The following GBP5 variants were observed in gnomAD, a reference collection of about 807,000 sequenced individuals.
GBP5 encodes the protein guanylate binding protein 5, also known as guanylate-binding protein 5.
GBP5 carries 48 observed loss-of-function variants against 58.2 expected under a neutral mutation model. The observed-to-expected ratio is 0.83, with a 90% confidence interval of 0.65 to 1.05. GBP5 has a LOEUF of 1.05. GBP5 is among the 50% of genes least tolerant of loss of function. GBP5 has a pLI of 0.00. For missense variants in GBP5, 714 were observed against 686.8 expected, an observed-to-expected ratio of 1.04 and a Z score of -0.44; for synonymous variants, 248 against 251.8, an observed-to-expected ratio of 0.98 and a Z score of 0.14.
chr1:89,270,884 A>C (rs1650419585), intron 1 of GBP5, 22 bp from the exon 2 acceptor site: 1 of 152,208 alleles, frequency 6.6e-6, no homozygotes. Context: ...AAAGATACAT[A>C]AGCCAAATCT....
In GBP5 at chr1:89,256,699, AT is replaced by A. The variant is rs1427690509; in HGVS notation, c.*4004del. Among the ~76,000 whole-genome samples, 1 of 152,168 alleles carries A rather than the reference AT, an allele frequency of 6.6e-6. No individual in the cohort carries two copies. The highest frequency in any genetic ancestry group is 2.4e-5 in the African/African-American group (1 of 41,446). On this transcript the variant is annotated 3_prime_UTR_variant, in exon 12 of 12. Transcript: ENST00000370459. ...CAGGTTTATGAAGAACATAACCTTG[AT>A]TTCTTCAAATGCATTTTCATAGTTT...
rs950446377 is a variant in GBP5 at position 89,259,644 on chromosome 1, G to T, written c.*1060C>A. 2 of 151,336 alleles carry T rather than the reference G, an allele frequency of 1.3e-5. No individual in the cohort carries two copies. The highest frequency in any genetic ancestry group is 2.9e-5 in the Non-Finnish European group (2 of 67,954). 9.4% of individuals were successfully genotyped at this position (151,336 alleles called of 1,614,324 possible). A position where few individuals can be genotyped will look rare whatever the true frequency, so the allele number is the denominator to read the frequency against. On this transcript the variant is annotated 3_prime_UTR_variant, in exon 12 of 12. Transcript: ENST00000370459. ...ATATAACAAGCCCCCTCCCCTAGCT[G>T]CCCTGCAGCTTATTTTTCGTCCAAA...
At chr1:89,272,091 A>G (rs1336367101) in intron 1 of GBP5, 1 of 152,226 alleles carries the variant, frequency 6.6e-6, no homozygotes, top group Non-Finnish European at 1.5e-5. Context: ...AATAGCTATC[A>G]TAGTTTTTGA....
In GBP5 at chr1:89,262,054, C is replaced by A. The variant is rs1650022630; in HGVS notation, c.1647+166G>T. On this transcript the variant is annotated intron_variant, in intron 11 of 11. Transcript: ENST00000370459. ...AGGCACAGAGGTGATAGATAACTTG[C>A]CTAAACCATATACTTACTAAGAGGT... 2.3e-5 allele frequency: 15 copies of A among 644,134 alleles called. No homozygotes were observed. In the South Asian group the frequency reaches 2.7e-4, roughly 12 times the overall value. The allele number at this position is 644,134 out of a possible 1,614,324, so 39.9% of individuals were successfully genotyped here. A position where few individuals can be genotyped will look rare whatever the true frequency, so the allele number is the denominator to read the frequency against.
intron 5 of GBP5, 122 bp from the exon 6 acceptor site, chr1:89,267,275 T>C (rs1330074588): frequency 6.1e-6 from 6 of 981,968 alleles, no homozygotes; most frequent in Non-Finnish European, 6.1e-6. Flanking sequence ...ATTTTATCAG[T>C]AAATATAAGG....
rs144247606 is a variant in GBP5, at chr1:89,267,574, G to A, written c.319-48C>T. Reference sequence around the variant, plus strand: ...GTCATGTCTCATGGGATTCCCAGATGAGCGATATTTAAAAATAGGCTCTTG... The same window carrying A: ...GTCATGTCTCATGGGATTCCCAGATAAGCGATATTTAAAAATAGGCTCTTG... On this transcript the variant is annotated intron_variant, in intron 4 of 11. Transcript: ENST00000370459. The A allele has an allele frequency of 7.9e-4, 894 of 1,136,012 alleles. 6 individuals carry two copies. The African/African-American group carries it at 0.012, about 15-fold the overall frequency. The allele number at this position is 1,136,012 out of a possible 1,614,324, so 70.4% of individuals were successfully genotyped here. A position where few individuals can be genotyped will look rare whatever the true frequency, so the allele number is the denominator to read the frequency against.
rs1650033617 is a variant in GBP5, at chr1:89,262,231, GT to G, written c.1635del (p.Glu545AspfsTer91). ...CAATTGATGAATACCTGCATCTGTT[GT>G]TCCTGCATTTTCTGTTGCTCTGCCA... is the stretch of plus-strand genomic sequence containing the variant. ...NWLAEQQKMQ[E>X]QQMQEQAAQL... On this transcript the variant is annotated frameshift_variant, in exon 11 of 12. Coordinates refer to ENST00000370459, the MANE Select transcript of GBP5 (RefSeq NM_052942.5). LOFTEE classifies it low-confidence loss of function (END_TRUNC). 1 of 1,614,000 alleles carries G rather than the reference GT, an allele frequency of 6.2e-7. No individual in the cohort carries two copies. The highest frequency in any genetic ancestry group is 1.3e-5 in the African/African-American group (1 of 74,918).
rs776829331 is a variant in GBP5, at chr1:89,266,472, G to C, written c.742C>G (p.Leu248Val). The C allele has an allele frequency of 1.9e-6, 3 of 1,614,172 alleles. No homozygotes were observed. Among genetic ancestry groups the C allele is most frequent in the Non-Finnish European group, 2.5e-6 (3 of 1,180,012 alleles). The change falls in exon 7 of 12, where the codon CTT becomes GTT. Residue 248 changes from leucine to valine, a missense_variant. Leu to Val is a conservative substitution (Grantham distance 32). Coordinates refer to ENST00000370459, the MANE Select transcript of GBP5 (RefSeq NM_052942.5). The stretch of plus-strand genomic sequence containing the variant: ...AGCTCATCATCAGGCAGTGTTTCAA[G>C]TTGGGCAAGCTTTTTTTGGTGAGCA... ...LPAHQKKLAQ[L>V]ETLPDDELEP...
rs1469132954 is a variant in GBP5 at position 89,269,390 on chromosome 1, T to A, written c.166A>T (p.Asn56Tyr). 8.7e-6 allele frequency: 14 copies of A among 1,613,962 alleles called. No individual in the cohort carries two copies. In the East Asian group the frequency reaches 3.1e-4, roughly 36 times the overall value. Residue 56 changes from asparagine (N) to tyrosine (Y), a missense_variant, in exon 3 of 12, where the codon AAC becomes TAC. By Grantham distance (143) the Asn-to-Tyr change is moderately radical. Transcript: ENST00000370459. ...CCCTTGTTCTTCCCAGCCAGCTTGT[T>A]CATCAGGTAGGATTTGCCAGTGCGA... ...LYRTGKSYLM[N>Y]KLAGKNKGFS...
rs912188805 is a variant in GBP5, at chr1:89,260,847, A to G, written c.1648-30T>C. ...AGAGTGATAAATAGAAAGTAAGATCAAGCTTCTTACTGATTGCCTAAATCA... is the reference window on the plus strand; with the variant it reads ...AGAGTGATAAATAGAAAGTAAGATCGAGCTTCTTACTGATTGCCTAAATCA... On this transcript the variant is annotated intron_variant, in intron 11 of 11. Coordinates refer to ENST00000370459, the MANE Select transcript of GBP5 (RefSeq NM_052942.5). 9.3e-6 allele frequency: 14 copies of G among 1,505,740 alleles called. No individual in the cohort carries two copies. The African/African-American group carries it at 1.5e-4, about 16-fold the overall frequency. 93.3% of individuals were successfully genotyped at this position (1,505,740 alleles called of 1,614,324 possible).
rs1472338581 is a variant in GBP5, at chr1:89,256,691, T to G, written c.*4013A>C. Among the ~76,000 whole-genome samples, 1 of 152,224 alleles carries G rather than the reference T, an allele frequency of 6.6e-6. No homozygotes were observed. Among genetic ancestry groups the G allele is most frequent in the African/African-American group, 2.4e-5 (1 of 41,462 alleles). On this transcript the variant is annotated 3_prime_UTR_variant, in exon 12 of 12. Coordinates refer to ENST00000370459, the MANE Select transcript of GBP5 (RefSeq NM_052942.5). Reference sequence around the variant, plus strand: ...CTCCTCTACAGGTTTATGAAGAACATAACCTTGATTTCTTCAAATGCATTT... The same window carrying G: ...CTCCTCTACAGGTTTATGAAGAACAGAACCTTGATTTCTTCAAATGCATTT...
Position 89,258,510 on chromosome 1 carries a change from T to C in GBP5, c.*2194A>G, listed in dbSNP as rs997406628. 3.3e-5 allele frequency among the ~76,000 whole-genome samples: 5 copies of C among 152,220 alleles called. No individual in the cohort carries two copies. The highest frequency in any genetic ancestry group is 3.3e-4 in the Admixed American group (5 of 15,284). On this transcript the variant is annotated 3_prime_UTR_variant, in exon 12 of 12. Coordinates refer to ENST00000370459, the MANE Select transcript of GBP5 (RefSeq NM_052942.5). ...CTCAGTTGAATATGCTGGTACCTTC[T>C]GAACTTCAGTTCAAATCTAGAAATA...
chr1:89,269,644 CT>C, intron 2 of GBP5, 70 bp from the exon 3 acceptor site: 3 of 1,055,538 alleles, frequency 2.8e-6, no homozygotes, highest in Non-Finnish European at 4.3e-6. Flanking sequence ...AGTCATTTTG[CT>C]TACTGAACCT....
intron 11 of GBP5, among the ~76,000 whole-genome samples, chr1:89,261,101 C>T (rs1156834588): frequency 1.3e-5 from 2 of 152,182 alleles, no homozygotes; most frequent in East Asian, 1.9e-4. Context: ...ATCTTAGTCA[C>T]ATCTTGACTT....
rs1055861327 is a variant in GBP5, at chr1:89,257,851, T to C, written c.*2853A>G. ...AACAGAAGCTTATTATCTTACAGTT[T>C]TGGAAATCAGAAGTCTGTGAAGCTT... On this transcript the variant is annotated 3_prime_UTR_variant, in exon 12 of 12. Transcript: ENST00000370459. Among the ~76,000 whole-genome samples, 5 of 152,214 alleles carry C rather than the reference T, an allele frequency of 3.3e-5. No individual in the cohort carries two copies. The highest frequency in any genetic ancestry group is 7.3e-5 in the Non-Finnish European group (5 of 68,030).
chr1:89,262,943 A>G lies in GBP5; in HGVS notation c.1363-158T>C, dbSNP rs192198096. Reference sequence around the variant, plus strand: ...AGAGGTGGAGCCTATACAGGCTTCCACCCTGCACTTGGTGGAACTGCCAAT... The same window carrying G: ...AGAGGTGGAGCCTATACAGGCTTCCGCCCTGCACTTGGTGGAACTGCCAAT... On this transcript the variant is annotated intron_variant, in intron 9 of 11. Transcript: ENST00000370459. 112 of 482,180 alleles carry G rather than the reference A, an allele frequency of 2.3e-4. 2 individuals are homozygous for G. In the East Asian group the frequency reaches 2.6e-3, roughly 11 times the overall value. 29.9% of individuals were successfully genotyped at this position (482,180 alleles called of 1,614,324 possible).
In GBP5 at chr1:89,260,803, C is replaced by T; in HGVS notation, c.1662G>A (p.Gln554=). The change falls in exon 12 of 12, where the codon CAG becomes CAA. Residue 554 remains glutamine (Q), a synonymous_variant. Transcript: ENST00000370459. ...QEQQMQEQAA[Q]LSTTFQAQNR... ...TTTGAGCTTGGAATGTTGTGCTGAG[C>T]TGTGCAGCCTGTTCCTAAAGAGTGA... 1 of 1,613,404 alleles carries T rather than the reference C, an allele frequency of 6.2e-7. No homozygotes were observed. Among genetic ancestry groups the T allele is most frequent in the Non-Finnish European group, 8.5e-7 (1 of 1,179,386 alleles).
chr1:89,260,839 G>T, intron 11 of GBP5, 22 bp from the exon 12 acceptor site: 1 of 1,561,550 alleles, frequency 6.4e-7, no homozygotes, highest in Non-Finnish European at 8.8e-7. Flanking sequence ...TAAATAGAAA[G>T]TAAGATCAAG....
Position 89,268,705 on chromosome 1 carries a change from TTAAAAAAAGGAA to T in GBP5, c.318+12_318+23del. ...AAAAGACAGTTCAGAGATTAGGAGG[TTAAAAAAAGGAA>T]TCCTTCCTTACCTTCTCTACATCTC... On this transcript the variant is annotated intron_variant, in intron 4 of 11. Coordinates refer to ENST00000370459, the MANE Select transcript of GBP5 (RefSeq NM_052942.5). 4 of 1,612,300 alleles carry T rather than the reference TTAAAAAAAGGAA, an allele frequency of 2.5e-6. No homozygotes were observed. In the South Asian group the frequency reaches 4.4e-5, roughly 18 times the overall value.
Sources: allele counts gnomAD v4.1 joint callset (sites outside exome capture counted in the v4.1 genomes callset), GRCh38; gene constraint gnomAD v4.1.1; transcripts MANE v1.5; gene names NCBI Gene and HGNC (gene_info 2026-07-23, HGNC 2026-07-21).